EVA1A: variants seen among roughly 807,000 people sequenced by gnomAD.
EVA1A encodes the protein eva-1 homolog A, regulator of programmed cell death, also known as protein eva-1 homolog A.
A neutral mutation model predicts 9.8 loss-of-function variants in EVA1A; 7 were observed. The ratio of observed to expected loss-of-function variants is 0.71; its 90% CI spans 0.41 to 1.34. The LOEUF (loss-of-function observed/expected upper bound fraction) is 1.34. Among genes scored for constraint, EVA1A ranks in the 40% most tolerant of loss-of-function variants. The probability of loss-of-function intolerance (pLI) is 0.01; values close to 1 mark genes in which losing one functional copy is unlikely to be tolerated. For missense variants in EVA1A, 206 were observed against 205.9 expected (o/e 1.00, Z 0.00); for synonymous variants, 90 against 85.6 (o/e 1.05, Z -0.28).
At chr2:75,510,154 A>T (rs1028606230) in intron 3 of EVA1A, among the ~76,000 whole-genome samples, 19 of 152,176 alleles carry the variant, frequency 1.2e-4, no homozygotes, top group African/African-American at 4.6e-4. Context: ...GGCATGAGCA[A>T]GTGTGATTCT....
At chr2:75,510,953 A>G (rs181828300) in intron 3 of EVA1A, among the ~76,000 whole-genome samples, 6 of 152,294 alleles carry the variant, frequency 3.9e-5, no homozygotes, top group Non-Finnish European at 4.4e-5. Flanking sequence ...TTGCCCATTC[A>G]TTTGTGCATT....
chr2:75,502,566 G>T (rs1674468102), intron 3 of EVA1A, among the ~76,000 whole-genome samples: 1 of 152,152 alleles, frequency 6.6e-6, no homozygotes, highest in Admixed American at 6.5e-5. Flanking sequence ...ACATAGATAT[G>T]CACTCATGGG....
intron 1 of EVA1A, among the ~76,000 whole-genome samples, chr2:75,553,171 C>T (rs1676584025): frequency 6.6e-6 from 1 of 152,216 alleles, no homozygotes; most frequent in African/African-American, 2.4e-5. Flanking sequence ...TCCACTTCTC[C>T]TCTCATCAGC....
At position 75,552,032 on chromosome 2, in the gene EVA1A, T is replaced by C. The variant is rs146418925; in HGVS notation, c.-192+8648A>G. Among the ~76,000 whole-genome samples the C allele has an allele frequency of 5.5e-3, 831 of 152,226 alleles. 6 individuals are homozygous for C. Among genetic ancestry groups the C allele is most frequent in the Middle Eastern group, 0.014 (4 of 294 alleles). On this transcript the variant is annotated intron_variant, in intron 1 of 3. Coordinates refer to ENST00000393913, the MANE Select transcript of EVA1A (RefSeq NM_001135032.2). ...CCTGCTCTACAAAAAGTTTTACAAA[T>C]TAGCTGGACATAGTGGCATATAACT...
At chr2:75,523,815 T>C (rs1291880128) in intron 1 of EVA1A, among the ~76,000 whole-genome samples, 3 of 152,224 alleles carry the variant, frequency 2.0e-5, no homozygotes, top group Non-Finnish European at 4.4e-5. Context: ...GCTGGATGAA[T>C]GACTCACACT....
intron 1 of EVA1A, chr2:75,542,311 T>C (rs942647500): frequency 2.6e-5 from 4 of 152,262 alleles, no homozygotes; most frequent in African/African-American, 9.6e-5. Flanking sequence ...GCTGAGCATT[T>C]GGAAACAGTG....
chr2:75,538,905 T>A (rs1393579086), intron 1 of EVA1A, among the ~76,000 whole-genome samples: 1 of 152,234 alleles, frequency 6.6e-6, no homozygotes, highest in Non-Finnish European at 1.5e-5. Context: ...CTTGTGATGA[T>A]GCAAATGTTC....
chr2:75,510,811 T>G (rs754680226), intron 3 of EVA1A, among the ~76,000 whole-genome samples: 4 of 152,188 alleles, frequency 2.6e-5, no homozygotes, highest in African/African-American at 9.6e-5. Flanking sequence ...ACAAGACATA[T>G]GGACAGTTCA....
intron 2 of EVA1A, among the ~76,000 whole-genome samples, chr2:75,520,671 C>T (rs1675201377): frequency 1.3e-5 from 2 of 152,068 alleles, no homozygotes; most frequent in African/African-American, 2.4e-5. Flanking sequence ...GGACCCTTAC[C>T]TTACACTATA....
At chr2:75,509,281 T>G (rs558128975) in intron 3 of EVA1A, among the ~76,000 whole-genome samples, 66 of 152,302 alleles carry the variant, frequency 4.3e-4, no homozygotes, top group African/African-American at 1.5e-3. Context: ...ATGAAAATTA[T>G]CTGCACTTGC....
In EVA1A at chr2:75,517,793, G is replaced by A. The variant is rs1053023104; in HGVS notation, c.85+263C>T. ...AGTGACAGAAGCCAACAGTAGCCCT[G>A]GGCCACTTCAATCACTCACTTGAGC... On this transcript the variant is annotated intron_variant, in intron 3 of 3. Transcript: ENST00000393913. 9.7e-6 allele frequency: 7 copies of A among 719,186 alleles called. No homozygotes were observed. The East Asian group carries it at 1.3e-4, about 14-fold the overall frequency. The allele number at this position is 719,186 out of a possible 1,614,324, so 44.6% of individuals were successfully genotyped here. A position where few individuals can be genotyped will look rare whatever the true frequency, so the allele number is the denominator to read the frequency against.
intron 3 of EVA1A, among the ~76,000 whole-genome samples, chr2:75,494,896 G>C (rs761459522): frequency 1.3e-5 from 2 of 152,198 alleles, no homozygotes; most frequent in Non-Finnish European, 2.9e-5. Flanking sequence ...TCCTTGGTGA[G>C]AGAAGATAAC....
At chr2:75,518,351 T>G in intron 2 of EVA1A, 143 bp from the exon 3 acceptor site, 1 of 921,110 alleles carries the variant, frequency 1.1e-6, no homozygotes, top group South Asian at 1.9e-5. Context: ...ACAGACCCTC[T>G]CTGGCCAGCC....
intron 1 of EVA1A, among the ~76,000 whole-genome samples, chr2:75,528,603 G>A (rs1482732121): frequency 6.6e-6 from 1 of 152,112 alleles, no homozygotes; most frequent in African/African-American, 2.4e-5. Context: ...GTCCCCCCAG[G>A]TGGTCTCTGC....
chr2:75,508,740 T>A (rs1674706803), intron 3 of EVA1A, among the ~76,000 whole-genome samples: 1 of 152,246 alleles, frequency 6.6e-6, no homozygotes, highest in Non-Finnish European at 1.5e-5. Context: ...GTTTTGTGGC[T>A]TGGGGGGCAT....
At chr2:75,565,688 A>G (rs1297784613), upstream of EVA1A, among the ~76,000 whole-genome samples, 3 of 152,202 alleles carry the variant, frequency 2.0e-5, no homozygotes, top group Non-Finnish European at 4.4e-5. Flanking sequence ...GAAGTAGTAA[A>G]TGATCTCCAG....
chr2:75,543,642 G>C (rs1676219284), intron 1 of EVA1A, among the ~76,000 whole-genome samples: 1 of 152,152 alleles, frequency 6.6e-6, no homozygotes, highest in South Asian at 2.1e-4. Flanking sequence ...TCCCTGGGTG[G>C]GACCTGTGTG....
chr2:75,542,637 C>T (rs1417549151), intron 1 of EVA1A: 1 of 152,412 alleles, frequency 6.6e-6, no homozygotes, highest in African/African-American at 2.4e-5. Context: ...CGTGCATAAT[C>T]ACTCCCTCTT....
intron 1 of EVA1A, among the ~76,000 whole-genome samples, chr2:75,540,421 T>C (rs749705010): frequency 2.0e-5 from 3 of 152,192 alleles, no homozygotes; most frequent in Non-Finnish European, 4.4e-5. Context: ...GAGAAGCACA[T>C]CTGAGAAATG....
Sources: allele counts gnomAD v4.1 joint callset (sites outside exome capture counted in the v4.1 genomes callset), GRCh38; gene constraint gnomAD v4.1.1; transcripts MANE v1.5; gene names NCBI Gene and HGNC (gene_info 2026-07-23, HGNC 2026-07-21).